ZNF571: variants seen among roughly 807,000 people sequenced by gnomAD.
ZNF571 encodes the protein zinc finger protein 571.
A neutral mutation model predicts 7.7 loss-of-function variants in ZNF571; 4 were observed. The ratio of observed to expected loss-of-function variants is 0.52; its 90% CI spans 0.25 to 1.18. The LOEUF is 1.18. ZNF571 is among the 50% of genes most tolerant of loss of function. The pLI is 0.14. For missense variants in ZNF571, 704 were observed against 726.9 expected, an observed-to-expected ratio of 0.97 and a Z score of 0.36; for synonymous variants, 251 against 232.4, an observed-to-expected ratio of 1.08 and a Z score of -0.73.
At position 37,565,186 on chromosome 19, in the gene ZNF571, G is replaced by T. The variant is rs143272285; in HGVS notation, c.1242C>A (p.Thr414=). ...CCTTACATTTGTAGGGCTTCTCTCC[G>T]GTATGAATTCTTTGATGTTGAATAA... The part of the protein sequence containing the change: ...SNLIQHQRIH[T]GEKPYKCKEC... The change falls in exon 4 of 4, where the codon ACC becomes ACA. Residue 414 remains threonine, a synonymous_variant. Coordinates refer to ENST00000451802, the MANE Select transcript of ZNF571 (RefSeq NM_016536.5). 3.7e-6 allele frequency: 6 copies of T among 1,611,450 alleles called. No individual in the cohort carries two copies. In the African/African-American group the frequency reaches 5.4e-5, roughly 14 times the overall value.
At chr19:37,576,335 C>T (rs921434662) in intron 3 of ZNF571, among the ~76,000 whole-genome samples, 1 of 152,136 alleles carries the variant, frequency 6.6e-6, no homozygotes, top group Non-Finnish European at 1.5e-5. Context: ...AGGTTTGGTC[C>T]TGGCCTCTTT....
At chr19:37,576,042 T>TACACACACACAC (rs34837052) in intron 3 of ZNF571, among the ~76,000 whole-genome samples, 8 of 148,940 alleles carry the variant, frequency 5.4e-5, no homozygotes, top group African/African-American at 2.0e-4. Context: ...CATACATGCA[T>TACACACACACAC]ACACACACAC....
intron 3 of ZNF571, among the ~76,000 whole-genome samples, chr19:37,578,793 CGCAGCAACCGCACCTCT>C (rs547383829): frequency 4.6e-4 from 70 of 152,320 alleles, no homozygotes; most frequent in South Asian, 1.9e-3. Flanking sequence ...GCTCTTCCAG[CGCAGCAACCGCACCTCT>C]GCAGCAACCG....
intron 3 of ZNF571, among the ~76,000 whole-genome samples, chr19:37,581,801 A>G (rs1241780363): frequency 6.6e-6 from 1 of 151,706 alleles, no homozygotes; most frequent in Non-Finnish European, 1.5e-5. Flanking sequence ...AAAAAAAACA[A>G]AAAACAAAAA....
chr19:37,586,829 C>A (rs762122132), intron 1 of ZNF571, 84 bp from the exon 2 acceptor site: 4 of 798,198 alleles, frequency 5.0e-6, no homozygotes, highest in Non-Finnish European at 8.1e-6. Flanking sequence ...TACTTCTCCT[C>A]TTTTGGGAAT....
At chr19:37,572,243 C>T (rs1555717302) in intron 3 of ZNF571, among the ~76,000 whole-genome samples, 1 of 152,150 alleles carries the variant, frequency 6.6e-6, no homozygotes, top group Non-Finnish European at 1.5e-5. Flanking sequence ...GCTTAAAACT[C>T]TTTACTGTAG....
chr19:37,572,281 G>C (rs2043088473), intron 3 of ZNF571, among the ~76,000 whole-genome samples: 1 of 152,180 alleles, frequency 6.6e-6, no homozygotes, highest in South Asian at 2.1e-4. Context: ...TTTACTTTGT[G>C]TGGTTTCAGT....
Position 37,564,601 on chromosome 19 carries a change from A to G in ZNF571, c.1827T>C (p.Asn609=), listed in dbSNP as rs573983222. The part of the protein sequence containing the change: ...SQLTQHTRLH[N] Reference sequence around the variant, plus strand: ...TTTAATCACATTCAAGGCTTTCTCAATTATGAAGCCTTGTATGTTGAGTAA... The same window carrying G: ...TTTAATCACATTCAAGGCTTTCTCAGTTATGAAGCCTTGTATGTTGAGTAA... Residue 609 remains asparagine (N), a synonymous_variant, in exon 4 of 4, where the codon AAT becomes AAC. Transcript: ENST00000451802. The G allele has an allele frequency of 5.5e-5, 82 of 1,502,110 alleles. 3 individuals are homozygous for G. The South Asian group carries it at 9.9e-4, about 18-fold the overall frequency. The allele number at this position is 1,502,110 out of a possible 1,614,324, so 93.0% of individuals were successfully genotyped here.
At chr19:37,566,342 A>C (rs752344543) in intron 3 of ZNF571, 51 bp from the exon 4 acceptor site, 4 of 1,535,150 alleles carry the variant, frequency 2.6e-6, no homozygotes, top group Non-Finnish European at 1.7e-6. Context: ...AAGGAGAAAT[A>C]AAAATTCTAT....
At position 37,565,448 on chromosome 19, in the gene ZNF571, C is replaced by T. The variant is rs1600455656; in HGVS notation, c.980G>A (p.Arg327Lys). Residue 327 changes from arginine to lysine, a missense_variant, in exon 4 of 4, where the codon AGA (arginine) becomes AAA (lysine). Coordinates refer to ENST00000451802, the MANE Select transcript of ZNF571 (RefSeq NM_016536.5). The stretch of plus-strand genomic sequence containing the variant: ...GTAAGGCTTTTCACCAGTATGAACT[C>T]TCTGATGGTATGTAAGGTGTGAACC... ...ILGSHLTYHQ[R>K]VHTGEKPYIC... The T allele has an allele frequency of 2.5e-6, 4 of 1,612,940 alleles. No individual in the cohort carries two copies. The South Asian group carries it at 3.3e-5, about 13-fold the overall frequency.
chr19:37,581,244 T>C (rs1339189786), intron 3 of ZNF571, among the ~76,000 whole-genome samples: 1 of 152,118 alleles, frequency 6.6e-6, no homozygotes, highest in African/African-American at 2.4e-5. Context: ...TACCCCCAAT[T>C]GCCAAATCCA....
At chr19:37,589,728 T>C (rs2043806822) in intron 1 of ZNF571, among the ~76,000 whole-genome samples, 1 of 151,500 alleles carries the variant, frequency 6.6e-6, no homozygotes, top group South Asian at 2.1e-4. Flanking sequence ...TAGCCAGGCG[T>C]GGTGGCGGGC....
intron 1 of ZNF571, among the ~76,000 whole-genome samples, chr19:37,588,416 A>T (rs2043757029): frequency 6.6e-6 from 1 of 152,240 alleles, no homozygotes; most frequent in Non-Finnish European, 1.5e-5. Flanking sequence ...AGCAACACAG[A>T]TGTGGCTAGA....
intron 3 of ZNF571, among the ~76,000 whole-genome samples, chr19:37,573,832 CAAAAAA>C (rs753161725): frequency 8.5e-6 from 1 of 117,822 alleles, no homozygotes; most frequent in African/African-American, 3.1e-5. Context: ...GATCCTGTTT[CAAAAAA>C]AAAAAAAGAA....
At chr19:37,576,957 C>T (rs1008070683) in intron 3 of ZNF571, among the ~76,000 whole-genome samples, 2 of 152,062 alleles carry the variant, frequency 1.3e-5, no homozygotes, top group Non-Finnish European at 2.9e-5. Context: ...CTATCTCTTG[C>T]TAATTCAGCC....
In ZNF571 at chr19:37,564,861, TTC is replaced by T; in HGVS notation, c.1565_1566del (p.Arg522AsnfsTer5). On this transcript the variant is annotated frameshift_variant, in exon 4 of 4. Transcript: ENST00000451802. LOFTEE classifies it low-confidence loss of function (END_TRUNC). ...IYGSQLSEHQ[R>X]IHRGEKPYEC... ...TCATAAGGTTTTTCACCTCTGTGAA[TTC>T]TCTGATGTTCACTAAGTTGTGAGCC... is the stretch of plus-strand genomic sequence containing the variant. 5 of 1,614,096 alleles carry T rather than the reference TTC, an allele frequency of 3.1e-6. No homozygotes were observed. The highest frequency in any genetic ancestry group is 2.5e-6 in the Non-Finnish European group (3 of 1,179,968).
At chr19:37,580,352 G>A (rs1440953624) in intron 3 of ZNF571, among the ~76,000 whole-genome samples, 3 of 152,192 alleles carry the variant, frequency 2.0e-5, no homozygotes, top group African/African-American at 7.2e-5. Flanking sequence ...TTTATTCACT[G>A]ATTCCCATAT....
At chr19:37,583,022 A>G (rs2043528467) in intron 3 of ZNF571, among the ~76,000 whole-genome samples, 1 of 152,136 alleles carries the variant, frequency 6.6e-6, no homozygotes, top group African/African-American at 2.4e-5. Context: ...ACCTCTGCCT[A>G]TTTCTCTAAC....
At chr19:37,592,406 T>C (rs2043894509) in intron 1 of ZNF571, among the ~76,000 whole-genome samples, 1 of 152,354 alleles carries the variant, frequency 6.6e-6, no homozygotes, top group Admixed American at 6.5e-5. Flanking sequence ...TGAAATTTTA[T>C]TACCATAGAT....
Sources: allele counts gnomAD v4.1 joint callset (sites outside exome capture counted in the v4.1 genomes callset), GRCh38; gene constraint gnomAD v4.1.1; transcripts MANE v1.5; gene names NCBI Gene and HGNC (gene_info 2026-07-23, HGNC 2026-07-21).